Variants in ADCY5 observed in about 807,000 individuals in gnomAD.
ADCY5 encodes adenylate cyclase 5.
Under a neutral mutation model 119.7 loss-of-function variants are expected in ADCY5, and 30 were observed. The observed-to-expected ratio is 0.25, with a 90% CI of 0.19 to 0.34. The LOEUF is 0.34. Among genes scored for constraint, ADCY5 ranks in the 10% least tolerant of loss-of-function variants. The pLI is 1.00. For synonymous variants in ADCY5, 753 were observed against 762.2 expected, an observed-to-expected ratio of 0.99 and a Z score of 0.20; for missense variants, 1,324 against 1,775.2, an observed-to-expected ratio of 0.75 and a Z score of 4.57.
At chr3:123,306,741 G>T (rs553850800) in intron 12 of ADCY5, among the ~76,000 whole-genome samples, 2 of 152,146 alleles carry the variant, frequency 1.3e-5, no homozygotes, top group Non-Finnish European at 2.9e-5. Flanking sequence ...CCACTTCTGG[G>T]TATATCCCCC....
intron 1 of ADCY5, among the ~76,000 whole-genome samples, chr3:123,437,270 G>C (rs569142313): frequency 4.0e-4 from 61 of 152,268 alleles, no homozygotes; most frequent in South Asian, 2.3e-3. Context: ...AACAGCCACT[G>C]GTTGAATGCT....
At chr3:123,291,441 T>G in intron 17 of ADCY5, 65 bp from the exon 18 acceptor site, 2 of 1,546,592 alleles carry the variant, frequency 1.3e-6, no homozygotes, top group Non-Finnish European at 8.7e-7. Flanking sequence ...CCCCTCCACC[T>G]CCTCCTCTCC....
chr3:123,302,624 G>C (rs1370287371), intron 14 of ADCY5, among the ~76,000 whole-genome samples: 2 of 152,156 alleles, frequency 1.3e-5, no homozygotes, highest in Non-Finnish European at 2.9e-5. Context: ...ACTCTGTCTG[G>C]AGCTGGACAA....
intron 1 of ADCY5, among the ~76,000 whole-genome samples, chr3:123,369,655 G>A (rs892549733): frequency 2.6e-5 from 4 of 152,218 alleles, no homozygotes; most frequent in African/African-American, 7.2e-5. Flanking sequence ...ATGTGCAAAC[G>A]AGTCTCTTGG....
chr3:123,383,521 G>T (rs1200963973), intron 1 of ADCY5, among the ~76,000 whole-genome samples: 1 of 152,158 alleles, frequency 6.6e-6, no homozygotes, highest in Non-Finnish European at 1.5e-5. Flanking sequence ...TCAATGCCAC[G>T]GTGAGGTAGA....
chr3:123,398,229 T>C (rs547976985), intron 1 of ADCY5, among the ~76,000 whole-genome samples: 8 of 151,922 alleles, frequency 5.3e-5, no homozygotes, highest in African/African-American at 1.4e-4. Flanking sequence ...TCTAACAAAG[T>C]TCCCCCCTGC....
intron 1 of ADCY5, among the ~76,000 whole-genome samples, chr3:123,410,114 C>G (rs1454534340): frequency 6.6e-6 from 1 of 152,204 alleles, no homozygotes; most frequent in Admixed American, 6.5e-5. Flanking sequence ...ATCCGGTCAA[C>G]CCAGTGAGAG....
At chr3:123,311,219 TTTC>T (rs1940556130) in intron 12 of ADCY5, among the ~76,000 whole-genome samples, 1 of 152,214 alleles carries the variant, frequency 6.6e-6, no homozygotes, top group African/African-American at 2.4e-5. Context: ...TGAGAAAAAG[TTTC>T]TGCGTTCTGG....
chr3:123,411,958 C>T (rs1228674286), intron 1 of ADCY5, among the ~76,000 whole-genome samples: 1 of 152,196 alleles, frequency 6.6e-6, no homozygotes, highest in East Asian at 1.9e-4. Context: ...CCCACCCACA[C>T]AGAACTCCAC....
chr3:123,293,454 C>T (rs1939294640), intron 17 of ADCY5, among the ~76,000 whole-genome samples: 1 of 152,144 alleles, frequency 6.6e-6, no homozygotes. Flanking sequence ...AATGAGGGAC[C>T]TGCTGGAAAA....
intron 1 of ADCY5, among the ~76,000 whole-genome samples, chr3:123,408,898 C>T (rs1944975042): frequency 6.6e-6 from 1 of 151,824 alleles, no homozygotes; most frequent in African/African-American, 2.4e-5. Flanking sequence ...TCGTTTGAAC[C>T]CAGGAGGCAG....
At chr3:123,290,321 C>T (rs926951914) in intron 18 of ADCY5, among the ~76,000 whole-genome samples, 9 of 152,240 alleles carry the variant, frequency 5.9e-5, no homozygotes, top group African/African-American at 1.9e-4. Flanking sequence ...TTCCCTACCC[C>T]CTGGCCCCGG....
Position 123,437,774 on chromosome 3 carries a change from G to A in ADCY5, c.1134+9638C>T, listed in dbSNP as rs79487875. 2.1e-3 allele frequency among the ~76,000 whole-genome samples: 326 copies of A among 152,290 alleles called. 1 individual carries two copies. Among genetic ancestry groups the A allele is most frequent in the African/African-American group, 7.3e-3 (302 of 41,562 alleles). On this transcript the variant is annotated intron_variant, in intron 1 of 20. Transcript: ENST00000462833. ...TTCCCCATGGGCAGCCACGCACTCA[G>A]TGCCTTGCTTAGGAAAAGTTCCAGA...
chr3:123,307,996 C>T (rs1334724387), intron 12 of ADCY5, among the ~76,000 whole-genome samples: 1 of 142,914 alleles, frequency 7.0e-6, no homozygotes, highest in Admixed American at 7.0e-5. Context: ...TACAAGCCAA[C>T]TTCCTCCATG....
At chr3:123,308,660 T>C (rs766388053) in intron 12 of ADCY5, among the ~76,000 whole-genome samples, 17 of 152,118 alleles carry the variant, frequency 1.1e-4, no homozygotes, top group Admixed American at 2.0e-4. Context: ...AAACCATGTC[T>C]CTACTAAAAA....
At chr3:123,397,293 G>A (rs189730251) in intron 1 of ADCY5, among the ~76,000 whole-genome samples, 2 of 152,254 alleles carry the variant, frequency 1.3e-5, no homozygotes, top group Middle Eastern at 3.4e-3. Context: ...TCCTGCCTGT[G>A]CTCAAAGACT....
chr3:123,434,022 A>C (rs1333516361), intron 1 of ADCY5, among the ~76,000 whole-genome samples: 2 of 152,182 alleles, frequency 1.3e-5, no homozygotes, highest in Non-Finnish European at 2.9e-5. Flanking sequence ...CACCATGGGG[A>C]AAGGAGGGCC....
chr3:123,396,815 CAGGCGA>C (rs1944603492), intron 1 of ADCY5, among the ~76,000 whole-genome samples: 5 of 49,304 alleles, frequency 1.0e-4, no homozygotes, highest in Admixed American at 9.4e-4. Context: ...GGCAGGCAGG[CAGGCGA>C]GAGAGAGAGA....
At chr3:123,308,272 C>T (rs1401746914) in intron 12 of ADCY5, among the ~76,000 whole-genome samples, 5 of 151,570 alleles carry the variant, frequency 3.3e-5, no homozygotes, top group East Asian at 2.0e-4. Flanking sequence ...CTGCTGACCT[C>T]GTGATCCGCC....
Sources: gnomAD v4.1 joint callset for allele counts (sites outside exome capture counted in the v4.1 genomes callset) on GRCh38, gnomAD v4.1.1 for gene constraint, MANE v1.5 for transcripts, NCBI Gene and HGNC (gene_info 2026-07-23, HGNC 2026-07-21) for gene names.